SLC12A1: variants seen among roughly 807,000 people sequenced by gnomAD.
The protein encoded by SLC12A1 is solute carrier family 12 member 1.
Under a neutral mutation model 130.4 loss-of-function variants are expected in SLC12A1, and 89 were observed. That is an observed-to-expected ratio of 0.68 (90% CI 0.58 to 0.81). The LOEUF (loss-of-function observed/expected upper bound fraction) is 0.81, where lower values mean the gene tolerates loss of function less well. Among genes scored for constraint, SLC12A1 ranks in the 40% least tolerant of loss-of-function variants. The pLI is 0.00. For synonymous variants in SLC12A1, 499 were observed against 460.0 expected, an observed-to-expected ratio of 1.08 and a Z score of -1.09; for missense variants, 1,310 against 1,336.4, an observed-to-expected ratio of 0.98 and a Z score of 0.31.
At chr15:48,270,660 T>C (rs1480725222) in intron 19 of SLC12A1, among the ~76,000 whole-genome samples, 2 of 138,818 alleles carry the variant, frequency 1.4e-5, no homozygotes. Context: ...ATATATATTA[T>C]ATACTCCAAG....
chr15:48,221,346 T>C (rs925797055), intron 4 of SLC12A1: 1 of 702,000 alleles, frequency 1.4e-6, no homozygotes, highest in Non-Finnish European at 2.6e-6. Flanking sequence ...CAGAGTATCC[T>C]TCTTGGCATG....
In SLC12A1 at chr15:48,277,238, G is replaced by A. The variant is rs534651206; in HGVS notation, c.2485+2585G>A. Among the ~76,000 whole-genome samples the A allele has an allele frequency of 5.3e-5, 8 of 152,076 alleles. No individual in the cohort carries two copies. In the South Asian group the frequency reaches 8.3e-4, roughly 16 times the overall value. On this transcript the variant is annotated intron_variant, in intron 20 of 26. Transcript: ENST00000380993. ...GTAGGCAAAGAAAGGGGCGACCCAC[G>A]GAGTAAGATCCAGGAGGAACAGAAA...
intron 2 of SLC12A1, among the ~76,000 whole-genome samples, chr15:48,215,346 T>A (rs1186513124): frequency 6.6e-6 from 1 of 152,218 alleles, no homozygotes; most frequent in Non-Finnish European, 1.5e-5. Context: ...TTTCATTTTT[T>A]AAACATACTT....
At chr15:48,226,745 A>T in intron 5 of SLC12A1, 174 bp downstream of exon 5, 2 of 635,292 alleles carry the variant, frequency 3.1e-6, no homozygotes, top group Non-Finnish European at 5.5e-6. Context: ...GTCCAGGTCT[A>T]CTCTGGTCTC....
intron 6 of SLC12A1, 91 bp from the exon 7 acceptor site, chr15:48,230,302 T>G: frequency 1.4e-6 from 1 of 737,124 alleles, no homozygotes; most frequent in Admixed American, 2.2e-5. Flanking sequence ...CAGGTGTAAT[T>G]GTATAGTATC....
chr15:48,241,705 C>A, intron 10 of SLC12A1, 106 bp downstream of exon 10: 1 of 793,566 alleles, frequency 1.3e-6, no homozygotes, highest in Non-Finnish European at 2.2e-6. Flanking sequence ...TTTTAAAAGG[C>A]AACAATTTTA....
chr15:48,268,463 G>A (rs1464406395), intron 18 of SLC12A1, among the ~76,000 whole-genome samples: 2 of 152,122 alleles, frequency 1.3e-5, no homozygotes, highest in Non-Finnish European at 2.9e-5. Context: ...TTGGCTTTCA[G>A]AGTTACTGTA....
At chr15:48,217,597 T>C (rs2041139531) in intron 2 of SLC12A1, among the ~76,000 whole-genome samples, 1 of 152,312 alleles carries the variant, frequency 6.6e-6, no homozygotes, top group Admixed American at 6.5e-5. Flanking sequence ...AATAATAAAA[T>C]AATCTGTCTT....
intron 9 of SLC12A1, among the ~76,000 whole-genome samples, chr15:48,240,036 TATATATATATATCC>T (rs1386630527): frequency 0.013 from 204 of 15,952 alleles, 16 homozygotes; most frequent in Non-Finnish European, 0.05. Flanking sequence ...TATCCATATA[TATATATATATATCC>T]ATATATATAT....
intron 12 of SLC12A1, 53 bp downstream of exon 12, chr15:48,247,069 G>A (rs2141058200): frequency 2.9e-6 from 4 of 1,378,782 alleles, no homozygotes; most frequent in Non-Finnish European, 4.1e-6. Context: ...TCCACAGAAT[G>A]TGAATCAAGC....
intron 2 of SLC12A1, 27 bp from the exon 3 acceptor site, chr15:48,220,607 T>C: frequency 6.2e-7 from 1 of 1,604,318 alleles, no homozygotes; most frequent in Non-Finnish European, 8.5e-7. Flanking sequence ...GACCAACTAC[T>C]GTGTTTTTGC....
At chr15:48,246,029 C>G (rs1668552387) in intron 11 of SLC12A1, among the ~76,000 whole-genome samples, 1 of 152,186 alleles carries the variant, frequency 6.6e-6, no homozygotes, top group Non-Finnish European at 1.5e-5. Context: ...GATTGGTGAG[C>G]AGAGGGAGAA....
At chr15:48,251,566 C>G in intron 14 of SLC12A1, 49 bp from the exon 15 acceptor site, 1 of 1,461,914 alleles carries the variant, frequency 6.8e-7, no homozygotes, top group Non-Finnish European at 9.6e-7. Flanking sequence ...TATTCAGTGC[C>G]ATGATCATAG....
rs145464740 is a variant in SLC12A1 at position 48,288,430 on chromosome 15, C to T, written c.2787C>T (p.Ile929=). ...DGGLTLLIPY[I]LTLRKKWKDC... is the part of the protein sequence containing the mutation. ...GGTTAACACTTCTTATCCCCTATAT[C>T]TTAACTCTCAGAAAAAAATGGAAAG... is the stretch of plus-strand genomic sequence containing the variant. Residue 929 remains isoleucine (I), a synonymous_variant, in exon 23 of 27, where the codon ATC becomes ATT. Coordinates refer to ENST00000380993, the MANE Select transcript of SLC12A1 (RefSeq NM_000338.3). 9.5e-4 allele frequency: 1,462 copies of T among 1,537,152 alleles called. 35 individuals carry two copies. The East Asian group carries it at 0.031, about 33-fold the overall frequency.
At chr15:48,301,193 T>A in intron 25 of SLC12A1, 122 bp from the exon 26 acceptor site, 1 of 745,000 alleles carries the variant, frequency 1.3e-6, no homozygotes, top group Non-Finnish European at 2.3e-6. Context: ...CCTGAAAAAG[T>A]AATTGTAATT....
At chr15:48,285,972 T>C (rs990361442) in intron 21 of SLC12A1, among the ~76,000 whole-genome samples, 1 of 152,232 alleles carries the variant, frequency 6.6e-6, no homozygotes, top group African/African-American at 2.4e-5. Context: ...CATTTGTTTA[T>C]GCACGAATGT....
intron 2 of SLC12A1, among the ~76,000 whole-genome samples, chr15:48,208,756 G>A (rs560704436): frequency 6.6e-6 from 1 of 152,178 alleles, no homozygotes; most frequent in African/African-American, 2.4e-5. Context: ...CTGGTTTCAC[G>A]TCAGTATTAA....
At chr15:48,289,770 G>A (rs1438218919) in intron 23 of SLC12A1, among the ~76,000 whole-genome samples, 5 of 152,100 alleles carry the variant, frequency 3.3e-5, no homozygotes, top group African/African-American at 1.2e-4. Flanking sequence ...CTTGTATTGG[G>A]CACTTACCAT....
At chr15:48,227,351 A>T in intron 5 of SLC12A1, 2 of 614,278 alleles carry the variant, frequency 3.3e-6, no homozygotes, top group South Asian at 3.9e-5. Flanking sequence ...GAATATCTTC[A>T]TTGACATGAC....
Sources: allele counts gnomAD v4.1 joint callset (sites outside exome capture counted in the v4.1 genomes callset), GRCh38; gene constraint gnomAD v4.1.1; transcripts MANE v1.5; gene names NCBI Gene and HGNC (gene_info 2026-07-23, HGNC 2026-07-21).